Variants in MRPL42 observed in about 807,000 individuals in gnomAD.
MRPL42 encodes large ribosomal subunit protein mL42.
Under a neutral mutation model 17.9 loss-of-function variants are expected in MRPL42, and 17 were observed. The ratio of observed to expected loss-of-function variants is 0.95; its 90% CI spans 0.65 to 1.42. The LOEUF (loss-of-function observed/expected upper bound fraction) is 1.42. Among genes scored for constraint, MRPL42 ranks in the 40% most tolerant of loss-of-function variants. The probability of loss-of-function intolerance (pLI) is 0.00; values close to 1 mark genes in which losing one functional copy is unlikely to be tolerated. For missense variants in MRPL42, 177 were observed against 175.2 expected, an observed-to-expected ratio of 1.01 and a Z score of -0.06; for synonymous variants, 59 against 54.4, an observed-to-expected ratio of 1.08 and a Z score of -0.37.
rs1953720464 is a variant in MRPL42 at position 93,510,974 on chromosome 12, T to C, written c.*9753T>C. 1 of 152,190 alleles carries C rather than the reference T, an allele frequency of 6.6e-6. No individual in the cohort carries two copies. Among genetic ancestry groups the C allele is most frequent in the Non-Finnish European group, 1.5e-5 (1 of 68,036 alleles). 9.4% of individuals were successfully genotyped at this position (152,190 alleles called of 1,614,324 possible). A position where few individuals can be genotyped will look rare whatever the true frequency, so the allele number is the denominator to read the frequency against. The stretch of plus-strand genomic sequence containing the variant: ...TTCATTTATCTTTAACACCATGTTA[T>C]GGATGGCAAAATAACTTCACTGGCT... On this transcript the variant is annotated 3_prime_UTR_variant, in exon 6 of 6. Transcript: ENST00000549982.
In MRPL42 at chr12:93,514,210, T is replaced by C. The variant is rs537490755; in HGVS notation, c.*12989T>C. On this transcript the variant is annotated 3_prime_UTR_variant, in exon 6 of 6. Coordinates refer to ENST00000549982, the MANE Select transcript of MRPL42 (RefSeq NM_014050.4). ...TCAGCTTTCTCTTGAATTCTTTTAG[T>C]AACTAGGAGTTCACTACGTTTCCAT... 2 of 152,150 alleles carry C rather than the reference T, an allele frequency of 1.3e-5. No individual in the cohort carries two copies. Among genetic ancestry groups the C allele is most frequent in the South Asian group, 2.1e-4 (1 of 4,830 alleles). The allele number at this position is 152,150 out of a possible 1,614,324, so 9.4% of individuals were successfully genotyped here.
At chr12:93,478,910 T>TTTTA (rs142505304) in intron 3 of MRPL42, among the ~76,000 whole-genome samples, 8,573 of 91,444 alleles carry the variant, frequency 0.094, 301 homozygotes, top group Non-Finnish European at 0.11. Flanking sequence ...TAATTTTAGC[T>TTTTA]TTTATTTATT....
At position 93,504,403 on chromosome 12, in the gene MRPL42, G is replaced by A. The variant is rs1241470063; in HGVS notation, c.*3182G>A. The A allele has an allele frequency of 4.6e-5, 7 of 152,828 alleles. No homozygotes were observed. Among genetic ancestry groups the A allele is most frequent in the Admixed American group, 2.6e-4 (4 of 15,294 alleles). 9.5% of individuals were successfully genotyped at this position (152,828 alleles called of 1,614,324 possible). A position where few individuals can be genotyped will look rare whatever the true frequency, so the allele number is the denominator to read the frequency against. On this transcript the variant is annotated 3_prime_UTR_variant, in exon 6 of 6. Coordinates refer to ENST00000549982, the MANE Select transcript of MRPL42 (RefSeq NM_014050.4). ...TGTCCACACACCTTGGCCTCCCAAA[G>A]TGCTGGGTGGGATTATAGGTGTGAG...
intron 4 of MRPL42, among the ~76,000 whole-genome samples, chr12:93,480,693 T>A (rs1880417629): frequency 6.6e-6 from 1 of 151,208 alleles, no homozygotes; most frequent in South Asian, 2.1e-4. Flanking sequence ...AGGCGTGCAC[T>A]ACCACACCCG....
At chr12:93,496,873 C>T (rs1013991776) in intron 5 of MRPL42, among the ~76,000 whole-genome samples, 2 of 151,994 alleles carry the variant, frequency 1.3e-5, no homozygotes, top group African/African-American at 4.8e-5. Context: ...AGTGCAATGG[C>T]ACAATCTAGG....
At chr12:93,487,686 TC>T in intron 5 of MRPL42, 26 bp downstream of exon 5, 1 of 1,561,672 alleles carries the variant, frequency 6.4e-7, no homozygotes. Context: ...TTTTCTTCAA[TC>T]CCTACTACAT....
rs36114655 is a variant in MRPL42 at position 93,508,295 on chromosome 12, G to GTGC, written c.*7078_*7080dup. The GTGC allele has an allele frequency of 6.6e-6, 1 of 151,960 alleles. No individual in the cohort carries two copies. The highest frequency in any genetic ancestry group is 2.4e-5 in the African/African-American group (1 of 41,314). 9.4% of individuals were successfully genotyped at this position (151,960 alleles called of 1,614,324 possible). ...AGCTGGGGGTGGGGAGGGTGGGGTG[G>GTGC]TGCTGCATGCCTGTAGTCCCAGCTA... On this transcript the variant is annotated 3_prime_UTR_variant, in exon 6 of 6. Transcript: ENST00000549982.
intron 4 of MRPL42, among the ~76,000 whole-genome samples, chr12:93,480,983 C>CT (rs1219639048): frequency 2.0e-5 from 3 of 152,138 alleles, no homozygotes; most frequent in African/African-American, 7.2e-5. Context: ...GCCTACATCA[C>CT]TGAGTTTTGG....
At chr12:93,478,173 C>G (rs1419484329) in intron 3 of MRPL42, among the ~76,000 whole-genome samples, 1 of 151,998 alleles carries the variant, frequency 6.6e-6, no homozygotes, top group Non-Finnish European at 1.5e-5. Flanking sequence ...CCAGGCTGGT[C>G]TTAAACTCCT....
At chr12:93,486,523 A>T (rs1223205752) in intron 4 of MRPL42, among the ~76,000 whole-genome samples, 2 of 152,122 alleles carry the variant, frequency 1.3e-5, no homozygotes, top group Non-Finnish European at 1.5e-5. Flanking sequence ...TTTTAAGTAG[A>T]GATGGGGTTT....
intron 4 of MRPL42, among the ~76,000 whole-genome samples, chr12:93,480,277 C>T (rs1272551751): frequency 4.0e-5 from 6 of 151,750 alleles, no homozygotes; most frequent in African/African-American, 1.2e-4. Context: ...CCTGCCACCA[C>T]GCCCGGCTAA....
rs1953719276 is a variant in MRPL42 at position 93,510,832 on chromosome 12, T to C, written c.*9611T>C. 6.6e-6 allele frequency: 1 copy of C among 152,246 alleles called. No homozygotes were observed. The highest frequency in any genetic ancestry group is 1.5e-5 in the Non-Finnish European group (1 of 68,048). The allele number at this position is 152,246 out of a possible 1,614,324, so 9.4% of individuals were successfully genotyped here. A position where few individuals can be genotyped will look rare whatever the true frequency, so the allele number is the denominator to read the frequency against. Reference sequence around the variant, plus strand: ...TTTTGGATAAATCTTTTGTCAGATATATGCACTGGAAATATTTTTATGGGG... The same window carrying C: ...TTTTGGATAAATCTTTTGTCAGATACATGCACTGGAAATATTTTTATGGGG... On this transcript the variant is annotated 3_prime_UTR_variant, in exon 6 of 6. Transcript: ENST00000549982.
Position 93,508,032 on chromosome 12 carries a change from T to C in MRPL42, c.*6811T>C, listed in dbSNP as rs7971404. 105,072 of 152,298 alleles carry C rather than the reference T, an allele frequency of 0.69. 36,465 individuals carry two copies. The highest frequency in any genetic ancestry group is 0.73 in the Middle Eastern group (215 of 296). 9.4% of individuals were successfully genotyped at this position (152,298 alleles called of 1,614,324 possible). On this transcript the variant is annotated 3_prime_UTR_variant, in exon 6 of 6. Transcript: ENST00000549982. ...CGCAATCTCAGCCCACCAGAACCTT[T>C]GCCTCTTGGGTTCAAGCGATTCTCC... is the stretch of plus-strand genomic sequence containing the variant.
At chr12:93,500,281 C>T (rs1271320634) in intron 5 of MRPL42, among the ~76,000 whole-genome samples, 1 of 152,088 alleles carries the variant, frequency 6.6e-6, no homozygotes. Context: ...ATTACTAGGT[C>T]AAAAATTATG....
At chr12:93,490,657 C>T (rs972181515) in intron 5 of MRPL42, among the ~76,000 whole-genome samples, 2 of 152,298 alleles carry the variant, frequency 1.3e-5, no homozygotes, top group South Asian at 4.1e-4. Flanking sequence ...ATCTGTCCAT[C>T]TGTCCATTCA....
rs894982792 is a variant in MRPL42 at position 93,501,444 on chromosome 12, C to T, written c.*223C>T. Reference sequence around the variant, plus strand: ...TCTATTTTAGTGTTTCATTTATGTGCGGTCTCCAATTTAGGACTTTTCCAT... The same window carrying T: ...TCTATTTTAGTGTTTCATTTATGTGTGGTCTCCAATTTAGGACTTTTCCAT... On this transcript the variant is annotated 3_prime_UTR_variant, in exon 6 of 6. Transcript: ENST00000549982. 5 of 311,984 alleles carry T rather than the reference C, an allele frequency of 1.6e-5. No homozygotes were observed. Among genetic ancestry groups the T allele is most frequent in the African/African-American group, 6.5e-5 (3 of 46,106 alleles). 19.3% of individuals were successfully genotyped at this position (311,984 alleles called of 1,614,324 possible).
At chr12:93,486,318 G>A (rs1191897891) in intron 4 of MRPL42, among the ~76,000 whole-genome samples, 1 of 152,132 alleles carries the variant, frequency 6.6e-6, no homozygotes, top group Admixed American at 6.6e-5. Context: ...AAATTTTTCT[G>A]CTTCCATTGG....
chr12:93,479,406 G>A lies in MRPL42; in HGVS notation c.153G>A (p.Leu51=). ...TTTTTAGCAACGTAGAGCTTGCTCT[G>A]ACTTCTGATGGCAGGACAATAGTAT... ...DDYNCNVELA[L]TSDGRTIVCY... The change falls in exon 4 of 6, where the codon CTG becomes CTA. Residue 51 remains leucine (L), a synonymous_variant. Transcript: ENST00000549982. 1 of 1,609,860 alleles carries A rather than the reference G, an allele frequency of 6.2e-7. No homozygotes were observed. The highest frequency in any genetic ancestry group is 8.5e-7 in the Non-Finnish European group (1 of 1,178,110).
intron 5 of MRPL42, among the ~76,000 whole-genome samples, chr12:93,496,644 A>T (rs374574272): frequency 1.9e-4 from 3 of 16,000 alleles, no homozygotes; most frequent in African/African-American, 9.6e-4. Flanking sequence ...CAGATTAGGT[A>T]AAAAAAAAAA....
Sources: allele counts gnomAD v4.1 joint callset (sites outside exome capture counted in the v4.1 genomes callset), GRCh38; gene constraint gnomAD v4.1.1; transcripts MANE v1.5; gene names NCBI Gene and HGNC (gene_info 2026-07-23, HGNC 2026-07-21).